The following PTPRG variants were observed in gnomAD, a reference collection of about 807,000 sequenced individuals.
PTPRG encodes protein tyrosine phosphatase receptor type G, also known as receptor-type tyrosine-protein phosphatase gamma.
In PTPRG, 102 loss-of-function variants were observed where a neutral mutation model predicts 165.3. The observed-to-expected ratio is 0.62, with a 90% confidence interval of 0.53 to 0.73. The LOEUF (loss-of-function observed/expected upper bound fraction) is 0.73. Among genes scored for constraint, PTPRG ranks in the 30% least tolerant of loss-of-function variants. PTPRG has a pLI of 0.00. For missense variants in PTPRG, 1,866 were observed against 1,861.4 expected (o/e 1.00, Z -0.05); for synonymous variants, 675 against 669.5 (o/e 1.01, Z -0.13).
chr3:61,702,931 A>G (rs1360260455), intron 1 of PTPRG, among the ~76,000 whole-genome samples: 1 of 152,248 alleles, frequency 6.6e-6, no homozygotes, highest in African/African-American at 2.4e-5. Context: ...AAAGCTGTAA[A>G]GAGCAATCTT....
At chr3:61,929,039 C>G (rs953792628) in intron 2 of PTPRG, among the ~76,000 whole-genome samples, 2 of 152,126 alleles carry the variant, frequency 1.3e-5, no homozygotes, top group African/African-American at 4.8e-5. Flanking sequence ...GGACAACCCC[C>G]ACAGCAAAGG....
At chr3:61,570,942 G>A (rs1241512177) in intron 1 of PTPRG, among the ~76,000 whole-genome samples, 1 of 152,116 alleles carries the variant, frequency 6.6e-6, no homozygotes, top group Non-Finnish European at 1.5e-5. Context: ...GTTGGGTGGC[G>A]CTGGGGCTCT....
At chr3:62,189,165 G>T (rs1419722117) in intron 8 of PTPRG, among the ~76,000 whole-genome samples, 1 of 152,102 alleles carries the variant, frequency 6.6e-6, no homozygotes, top group African/African-American at 2.4e-5. Flanking sequence ...CGGGGCAGTG[G>T]GAATGACCCA....
intron 1 of PTPRG, among the ~76,000 whole-genome samples, chr3:61,642,320 G>A: frequency 6.6e-6 from 1 of 152,134 alleles, no homozygotes; most frequent in East Asian, 1.9e-4. Context: ...AGTACAGTTT[G>A]TTATTTTGCT....
chr3:61,868,250 G>C (rs932648062), intron 2 of PTPRG, among the ~76,000 whole-genome samples: 34 of 152,290 alleles, frequency 2.2e-4, no homozygotes, highest in African/African-American at 8.2e-4. Flanking sequence ...TATCACGGAA[G>C]AAAAGCTCCA....
chr3:62,215,025 G>A lies in PTPRG; in HGVS notation c.2156-3826G>A, dbSNP rs184370542. ...TGCAGTAGGAATGGGAGGGGCAAAG[G>A]CAGAGAGGCGGGACCATGGCTCAGC... On this transcript the variant is annotated intron_variant, in intron 12 of 29. Coordinates refer to ENST00000474889, the MANE Select transcript of PTPRG (RefSeq NM_002841.4). Among the ~76,000 whole-genome samples, 396 of 152,310 alleles carry A rather than the reference G, an allele frequency of 2.6e-3. 2 individuals are homozygous for A. Among genetic ancestry groups the A allele is most frequent in the African/African-American group, 9.1e-3 (380 of 41,576 alleles).
At chr3:61,783,955 G>C (rs954130712) in intron 2 of PTPRG, among the ~76,000 whole-genome samples, 2 of 152,136 alleles carry the variant, frequency 1.3e-5, no homozygotes, top group African/African-American at 4.8e-5. Flanking sequence ...CTGGCCATTG[G>C]GCATTTGAAC....
chr3:61,769,546 T>A (rs774986913), intron 2 of PTPRG: 14 of 152,168 alleles, frequency 9.2e-5, no homozygotes, highest in Admixed American at 3.3e-4. Flanking sequence ...GTGGTGGGAT[T>A]ATAAATGTGT....
intron 1 of PTPRG, chr3:61,742,698 CAGGGA>C (rs2033042738): frequency 6.2e-7 from 1 of 1,606,230 alleles, no homozygotes; most frequent in Non-Finnish European, 8.5e-7. Context: ...TGTGTGTGAG[CAGGGA>C]AGGGAACTTT....
intron 17 of PTPRG, among the ~76,000 whole-genome samples, chr3:62,266,252 C>T (rs1701870730): frequency 6.6e-6 from 1 of 152,062 alleles, no homozygotes; most frequent in Non-Finnish European, 1.5e-5. Context: ...TATATTAATG[C>T]CTTTTCATAG....
In PTPRG at chr3:61,648,765, A is replaced by C. The variant is rs190959401; in HGVS notation, c.85+86393A>C. ...GGAAGAATAATGGCATGTTGCTTGA[A>C]TGTTTCCCAAGAGAATGTTTTCTGT... On this transcript the variant is annotated intron_variant, in intron 1 of 29. Transcript: ENST00000474889. Among the ~76,000 whole-genome samples, 54 of 152,342 alleles carry C rather than the reference A, an allele frequency of 3.5e-4. 1 individual carries two copies. The East Asian group carries it at 9.1e-3, about 26-fold the overall frequency.
intron 10 of PTPRG, among the ~76,000 whole-genome samples, chr3:62,199,249 T>C (rs1233546618): frequency 3.3e-5 from 5 of 152,180 alleles, no homozygotes; most frequent in Non-Finnish European, 2.9e-5. Flanking sequence ...ACCCCTGTTA[T>C]TTGCTTTCTT....
chr3:61,954,089 A>G (rs752262965), intron 2 of PTPRG, among the ~76,000 whole-genome samples: 3 of 152,150 alleles, frequency 2.0e-5, no homozygotes, highest in Admixed American at 6.5e-5. Flanking sequence ...AGATTTCTTG[A>G]GAGTAATTTT....
intron 2 of PTPRG, among the ~76,000 whole-genome samples, chr3:61,830,566 G>GTTTTTTTTTTTTTTTTTTTTTTT (rs57644199): frequency 1.2e-5 from 1 of 86,500 alleles, no homozygotes; most frequent in Non-Finnish European, 2.3e-5. Context: ...TTTTGTTTTT[G>GTTTTTTTTTTTTTTTTTTTTTTT]TTTTTTTTTT....
At chr3:62,186,952 C>T (rs753946154) in intron 8 of PTPRG, among the ~76,000 whole-genome samples, 7 of 152,150 alleles carry the variant, frequency 4.6e-5, no homozygotes, top group Non-Finnish European at 7.3e-5. Flanking sequence ...ATGAGGCTGA[C>T]GATGTGGAAG....
At chr3:61,885,973 C>A (rs2038025796) in intron 2 of PTPRG, among the ~76,000 whole-genome samples, 1 of 151,432 alleles carries the variant, frequency 6.6e-6, no homozygotes, top group African/African-American at 2.4e-5. Flanking sequence ...TCAGAATGGA[C>A]CACAGGTAGA....
intron 2 of PTPRG, among the ~76,000 whole-genome samples, chr3:61,951,855 C>A (rs1043528929): frequency 1.3e-5 from 2 of 152,154 alleles, no homozygotes; most frequent in African/African-American, 4.8e-5. Context: ...CGTGGTGGCT[C>A]ACGCCTGTAA....
chr3:61,987,516 C>G (rs577432845), intron 2 of PTPRG, among the ~76,000 whole-genome samples: 7 of 152,202 alleles, frequency 4.6e-5, no homozygotes, highest in African/African-American at 1.7e-4. Flanking sequence ...CAAATGATGG[C>G]TTGCATCTAT....
chr3:61,980,541 C>T (rs1410277375), intron 2 of PTPRG, among the ~76,000 whole-genome samples: 1 of 152,148 alleles, frequency 6.6e-6, no homozygotes, highest in Non-Finnish European at 1.5e-5. Context: ...ATATTCCATC[C>T]AGAATGCATT....
Sources: allele counts gnomAD v4.1 joint callset (sites outside exome capture counted in the v4.1 genomes callset), GRCh38; gene constraint gnomAD v4.1.1; transcripts MANE v1.5; gene names NCBI Gene and HGNC (gene_info 2026-07-23, HGNC 2026-07-21).